Variants in BAZ1A observed in about 807,000 individuals in gnomAD.
BAZ1A encodes the protein bromodomain adjacent to zinc finger domain protein 1A.
A neutral mutation model predicts 185.2 loss-of-function variants in BAZ1A; 50 were observed. That is an observed-to-expected ratio of 0.27 (90% confidence interval 0.22 to 0.34). The LOEUF (loss-of-function observed/expected upper bound fraction) is 0.34, where lower values mean the gene tolerates loss of function less well. Among genes scored for constraint, BAZ1A ranks in the 10% least tolerant of loss-of-function variants. The pLI is 1.00. For missense variants in BAZ1A, 1,356 were observed against 1,839.9 expected (o/e 0.74, Z 4.81); for synonymous variants, 571 against 615.6 (o/e 0.93, Z 1.07).
At chr14:34,803,069 C>T in intron 6 of BAZ1A, 81 bp from the exon 7 acceptor site, 1 of 1,376,000 alleles carries the variant, frequency 7.3e-7, no homozygotes, top group Non-Finnish European at 1.0e-6. Flanking sequence ...GTCATATGGC[C>T]ACTATTAATG....
In BAZ1A at chr14:34,777,857, G is replaced by A. The variant is rs141099152; in HGVS notation, c.2237-1342C>T. 5.6e-3 allele frequency among the ~76,000 whole-genome samples: 825 copies of A among 148,476 alleles called. 8 individuals carry two copies. Among genetic ancestry groups the A allele is most frequent in the African/African-American group, 0.02 (795 of 40,296 alleles). ...AATACAAAAATCAGCCAGGTGTGGT[G>A]GTGTGCACCTGTAATCCCAGCTACT... On this transcript the variant is annotated intron_variant, in intron 17 of 26. Coordinates refer to ENST00000360310, the MANE Select transcript of BAZ1A (RefSeq NM_013448.3).
chr14:34,767,747 A>G (rs576357687), intron 21 of BAZ1A, among the ~76,000 whole-genome samples: 2 of 152,318 alleles, frequency 1.3e-5, no homozygotes, highest in Admixed American at 1.3e-4. Context: ...TGGGTAAATC[A>G]GAGAATATTC....
intron 17 of BAZ1A, among the ~76,000 whole-genome samples, chr14:34,779,053 T>G (rs575196364): frequency 5.3e-5 from 8 of 152,224 alleles, no homozygotes; most frequent in African/African-American, 1.9e-4. Flanking sequence ...CGATGGGGTT[T>G]CACCAAGGCT....
At chr14:34,792,264 T>C (rs1331776819) in intron 12 of BAZ1A, among the ~76,000 whole-genome samples, 1 of 151,896 alleles carries the variant, frequency 6.6e-6, no homozygotes, top group Non-Finnish European at 1.5e-5. Flanking sequence ...CGGGCGTCTG[T>C]ATCCCAGCTA....
At chr14:34,801,627 G>A (rs919276214) in intron 7 of BAZ1A, among the ~76,000 whole-genome samples, 12 of 152,232 alleles carry the variant, frequency 7.9e-5, no homozygotes, top group East Asian at 1.9e-4. Flanking sequence ...AGTATAATTG[G>A]GCCGGGCACA....
intron 3 of BAZ1A, among the ~76,000 whole-genome samples, chr14:34,827,082 C>CCT (rs1278478144): frequency 4.6e-5 from 6 of 130,120 alleles, no homozygotes; most frequent in Non-Finnish European, 9.0e-5. Flanking sequence ...CATCCCTTCT[C>CCT]CTATCTCTCT....
At position 34,780,330 on chromosome 14, in the gene BAZ1A, A is replaced by T. The variant is rs1879955888; in HGVS notation, c.2112-20T>A. ...TCCTCCCTTTAGGATAAAAACAAAG[A>T]TGACATTTACTAATGAATATATAAT... is the stretch of plus-strand genomic sequence containing the variant. On this transcript the variant is annotated intron_variant, in intron 16 of 26. Transcript: ENST00000360310. 1.9e-6 allele frequency: 3 copies of T among 1,594,772 alleles called. No individual in the cohort carries two copies. The South Asian group carries it at 3.4e-5, about 18-fold the overall frequency.
intron 17 of BAZ1A, among the ~76,000 whole-genome samples, chr14:34,777,644 CAAA>C (rs58853458): frequency 3.2e-5 from 4 of 125,798 alleles, no homozygotes; most frequent in Non-Finnish European, 3.3e-5. Context: ...ACTCTGTCTC[CAAA>C]AAAAAAAAAA....
chr14:34,851,983 C>T (rs571226018), intron 3 of BAZ1A, among the ~76,000 whole-genome samples: 239 of 151,936 alleles, frequency 1.6e-3, no homozygotes, highest in African/African-American at 5.4e-3. Flanking sequence ...AAAAATTAGC[C>T]GGGCGTGGTG....
At chr14:34,786,257 C>A (rs753347121) in intron 12 of BAZ1A, 36 bp from the exon 13 acceptor site, 2 of 1,554,470 alleles carry the variant, frequency 1.3e-6, no homozygotes, top group South Asian at 1.2e-5. Context: ...TAGTGCAAAT[C>A]AAAGCTTGAA....
Position 34,752,778 on chromosome 14 carries a change from T to C in BAZ1A, c.*730A>G, listed in dbSNP as rs1044902765. The C allele has an allele frequency of 2.6e-5, 4 of 152,160 alleles. No individual in the cohort carries two copies. Among genetic ancestry groups the C allele is most frequent in the African/African-American group, 9.7e-5 (4 of 41,442 alleles). The allele number at this position is 152,160 out of a possible 1,614,324, so 9.4% of individuals were successfully genotyped here. ...ATTTGTACAGTTAAAAAGTTATACA[T>C]AGAAACTTATAATACAGTTCTGTAA... On this transcript the variant is annotated 3_prime_UTR_variant, in exon 27 of 27. Transcript: ENST00000360310.
intron 4 of BAZ1A, among the ~76,000 whole-genome samples, chr14:34,814,837 G>A (rs1025052578): frequency 3.3e-5 from 5 of 150,544 alleles, no homozygotes; most frequent in South Asian, 4.2e-4. Flanking sequence ...GCAATGGTGC[G>A]GTCTCGGCTC....
chr14:34,780,051 G>T, intron 17 of BAZ1A, 135 bp downstream of exon 17: 1 of 1,116,808 alleles, frequency 9.0e-7, no homozygotes, highest in Non-Finnish European at 1.3e-6. Context: ...TATGAGGTGG[G>T]CATTTAAAAA....
chr14:34,808,088 T>C (rs2041875166), intron 5 of BAZ1A, among the ~76,000 whole-genome samples: 1 of 151,636 alleles, frequency 6.6e-6, no homozygotes, highest in Non-Finnish European at 1.5e-5. Context: ...AGAGCAAGAC[T>C]CTGTCTCAAA....
chr14:34,833,211 T>A (rs117301787), intron 3 of BAZ1A, among the ~76,000 whole-genome samples: 3,010 of 151,784 alleles, frequency 0.02, 37 homozygotes, highest in South Asian at 0.039. Flanking sequence ...AGACACTGTC[T>A]CAAAGAAAAA....
At chr14:34,812,362 T>C (rs936952305) in intron 4 of BAZ1A, among the ~76,000 whole-genome samples, 2 of 151,944 alleles carry the variant, frequency 1.3e-5, no homozygotes, top group African/African-American at 2.4e-5. Context: ...GCAGAATGAA[T>C]AAGGAAAATG....
chr14:34,768,733 CT>C (rs34320241), intron 21 of BAZ1A: 46,883 of 391,810 alleles, frequency 0.12, 2,681 homozygotes, highest in Middle Eastern at 0.2. Flanking sequence ...TTTTCTTGTC[CT>C]TTTTTTTTTC....
chr14:34,765,334 T>C lies in BAZ1A; in HGVS notation c.3302-66A>G, dbSNP rs1013754358. 2.4e-5 allele frequency: 38 copies of C among 1,554,790 alleles called. No homozygotes were observed. The Admixed American group carries it at 7.0e-4, about 29-fold the overall frequency. ...ACCTAGTAATCTTCCTAGAAATAGTTTGTTGGTAGTTTAAATATAGGTTAG... is the reference window on the plus strand; with the variant it reads ...ACCTAGTAATCTTCCTAGAAATAGTCTGTTGGTAGTTTAAATATAGGTTAG... On this transcript the variant is annotated intron_variant, in intron 21 of 26. Transcript: ENST00000360310.
At chr14:34,783,063 T>C in intron 16 of BAZ1A, 56 bp downstream of exon 16, 2 of 1,309,230 alleles carry the variant, frequency 1.5e-6, no homozygotes. Context: ...TTAAGGTGTC[T>C]GGTTTTTATT....
Sources: gnomAD v4.1 joint callset for allele counts (sites outside exome capture counted in the v4.1 genomes callset) on GRCh38, gnomAD v4.1.1 for gene constraint, MANE v1.5 for transcripts, NCBI Gene and HGNC (gene_info 2026-07-23, HGNC 2026-07-21) for gene names.